ZSCAN26: variants seen among roughly 807,000 people sequenced by gnomAD.
ZSCAN26 encodes the protein zinc finger and SCAN domain-containing protein 26.
Under a neutral mutation model 23.0 loss-of-function variants are expected in ZSCAN26, and 26 were observed. The ratio of observed to expected loss-of-function variants is 1.13; its 90% CI spans 0.83 to 1.57. The LOEUF (loss-of-function observed/expected upper bound fraction) is 1.57. ZSCAN26 is among the 40% of genes most tolerant of loss of function. The pLI is 0.00. For missense variants in ZSCAN26, 528 were observed against 568.5 expected (o/e 0.93, Z 0.72); for synonymous variants, 180 against 202.5 (o/e 0.89, Z 0.94).
intron 2 of ZSCAN26, 49 bp downstream of exon 2, chr6:28,272,388 T>C (rs1203945451): frequency 2.3e-5 from 33 of 1,417,152 alleles, no homozygotes; most frequent in Non-Finnish European, 3.0e-5. Context: ...TTGAGATCTC[T>C]GGCCAGACAG....
chr6:28,276,181 A>G lies in ZSCAN26; in HGVS notation c.539-14A>G. 2 of 1,587,332 alleles carry G rather than the reference A, an allele frequency of 1.3e-6. No individual in the cohort carries two copies. The highest frequency in any genetic ancestry group is 1.7e-6 in the Non-Finnish European group (2 of 1,167,866). ...AAAAGACAAGTAATTGGTGGTATAT[A>G]TTTAATATTGCAGGTGAGGAGACAA... On this transcript the variant is annotated splice_polypyrimidine_tract_variant and intron_variant, in intron 3 of 3. Transcript: ENST00000421553.
In ZSCAN26 at chr6:28,272,748, C is replaced by T. The variant is rs187327081; in HGVS notation, c.499C>T (p.Arg167Trp). 5,743 of 1,613,406 alleles carry T rather than the reference C, an allele frequency of 3.6e-3. 80 individuals carry two copies. Among genetic ancestry groups the T allele is most frequent in the South Asian group, 0.031 (2,855 of 90,856 alleles). ...GAAAGGAGTACAGGAACAGCAGGTTCGGCATGAGTGTGAAGTTACAAAGCC... is the reference window on the plus strand; with the variant it reads ...GAAAGGAGTACAGGAACAGCAGGTTTGGCATGAGTGTGAAGTTACAAAGCC... Reference protein sequence around the residue: ...PLKGVQEQQVRHECEVTKPEK... With the variant: ...PLKGVQEQQVWHECEVTKPEK... Residue 167 changes from arginine (R) to tryptophan (W), a missense_variant, in exon 3 of 4, where the codon CGG becomes TGG. Arg to Trp is a moderately radical substitution (Grantham distance 101, BLOSUM62 -3). Coordinates refer to ENST00000421553, the MANE Select transcript of ZSCAN26 (RefSeq NM_001023560.4).
intron 3 of ZSCAN26, among the ~76,000 whole-genome samples, chr6:28,275,625 A>G (rs1253551351): frequency 6.6e-6 from 1 of 152,232 alleles, no homozygotes; most frequent in African/African-American, 2.4e-5. Context: ...CAAGGAGATT[A>G]GGAAAGGCGA....
chr6:28,275,966 AT>A (rs1486048484), intron 3 of ZSCAN26, among the ~76,000 whole-genome samples: 1 of 152,152 alleles, frequency 6.6e-6, no homozygotes, highest in Non-Finnish European at 1.5e-5. Flanking sequence ...AATTTAAACT[AT>A]TTAAAATAAG....
At position 28,277,349 on chromosome 6, in the gene ZSCAN26, A is replaced by G. The variant is rs1362607211; in HGVS notation, c.*253A>G. On this transcript the variant is annotated 3_prime_UTR_variant, in exon 4 of 4. Transcript: ENST00000421553. ...TGCAGGACATCTCAGAGCATGTAAC[A>G]TAACTGCATGATTATATACTCTAAG... 4 of 494,434 alleles carry G rather than the reference A, an allele frequency of 8.1e-6. No individual in the cohort carries two copies. The highest frequency in any genetic ancestry group is 1.9e-5 in the African/African-American group (1 of 52,060). The allele number at this position is 494,434 out of a possible 1,614,324, so 30.6% of individuals were successfully genotyped here.
chr6:28,274,235 T>A (rs1161710657), intron 3 of ZSCAN26, among the ~76,000 whole-genome samples: 1 of 152,150 alleles, frequency 6.6e-6, no homozygotes, highest in East Asian at 1.9e-4. Context: ...CCTCAATAAA[T>A]GTCTGTTTGA....
chr6:28,272,444 T>C, intron 2 of ZSCAN26, 105 bp downstream of exon 2: 1 of 1,346,620 alleles, frequency 7.4e-7, no homozygotes, highest in Non-Finnish European at 9.9e-7. Flanking sequence ...AAGCTTTGAT[T>C]CAGTTTTTTT....
Position 28,276,792 on chromosome 6 carries a change from C to T in ZSCAN26, c.1136C>T (p.Ala379Val). The T allele has an allele frequency of 6.2e-7, 1 of 1,613,930 alleles. No homozygotes were observed. The highest frequency in any genetic ancestry group is 8.5e-7 in the Non-Finnish European group (1 of 1,179,872). Reference protein sequence around the residue: ...CKECGKTFSQALLLTHHQRIH... With the variant: ...CKECGKTFSQVLLLTHHQRIH... ...GAGTGTGGAAAAACCTTTAGTCAGG[C>T]CTTACTCCTCACCCACCATCAGAGA... The change falls in exon 4 of 4, where the codon GCC becomes GTC. Residue 379 changes from alanine to valine, a missense_variant. By Grantham distance (64) the Ala-to-Val change is moderately conservative. Coordinates refer to ENST00000421553, the MANE Select transcript of ZSCAN26 (RefSeq NM_001023560.4).
intron 3 of ZSCAN26, among the ~76,000 whole-genome samples, 165 bp from the exon 4 acceptor site, chr6:28,276,030 A>G (rs1248876655): frequency 6.6e-6 from 1 of 152,188 alleles, no homozygotes; most frequent in African/African-American, 2.4e-5. Context: ...ACAGTTAACA[A>G]TGTCTTGTGT....
At chr6:28,269,282 G>T (rs934858022) in intron 1 of ZSCAN26, among the ~76,000 whole-genome samples, 4 of 151,256 alleles carry the variant, frequency 2.6e-5, no homozygotes, top group Non-Finnish European at 5.9e-5. Context: ...TATGAATACA[G>T]GTATATATAA....
At chr6:28,276,137 AT>A in intron 3 of ZSCAN26, 57 bp from the exon 4 acceptor site, 1 of 1,480,712 alleles carries the variant, frequency 6.8e-7, no homozygotes, top group Non-Finnish European at 9.1e-7. Flanking sequence ...TTAGTTGCAG[AT>A]TCCTTTCCCC....
At chr6:28,268,645 A>G (rs938701898) in intron 1 of ZSCAN26, among the ~76,000 whole-genome samples, 1 of 152,218 alleles carries the variant, frequency 6.6e-6, no homozygotes, top group South Asian at 2.1e-4. Flanking sequence ...AATAGAATCA[A>G]TAGAACTTGA....
intron 3 of ZSCAN26, among the ~76,000 whole-genome samples, chr6:28,275,950 T>C (rs1164205103): frequency 1.3e-5 from 2 of 152,184 alleles, no homozygotes; most frequent in Admixed American, 1.3e-4. Flanking sequence ...TGGTATCCCA[T>C]GATAAAATTT....
rs1165083033 is a variant in ZSCAN26, at chr6:28,273,311, GGTGGGTAGGTATAC to G, written c.538+526_538+539del. 7.9e-5 allele frequency among the ~76,000 whole-genome samples: 12 copies of G among 152,310 alleles called. No individual in the cohort carries two copies. The South Asian group carries it at 1.2e-3, about 16-fold the overall frequency. ...TAAACCCAACACTTTGGGGGGCCAA[GGTGGGTAGGTATAC>G]GAGGTCAGGAGTTCAAGACCAGCCT... On this transcript the variant is annotated intron_variant, in intron 3 of 3. Coordinates refer to ENST00000421553, the MANE Select transcript of ZSCAN26 (RefSeq NM_001023560.4).
At chr6:28,274,105 A>G (rs1761837602) in intron 3 of ZSCAN26, among the ~76,000 whole-genome samples, 1 of 150,754 alleles carries the variant, frequency 6.6e-6, no homozygotes. Flanking sequence ...TTTCTGTCAT[A>G]GAACTAATTA....
In ZSCAN26 at chr6:28,273,789, C is replaced by G. The variant is rs113364767; in HGVS notation, c.538+1002C>G. Among the ~76,000 whole-genome samples, 1,142 of 151,644 alleles carry G rather than the reference C, an allele frequency of 7.5e-3. 13 individuals are homozygous for G. Among genetic ancestry groups the G allele is most frequent in the African/African-American group, 0.027 (1,108 of 41,284 alleles). On this transcript the variant is annotated intron_variant, in intron 3 of 3. Transcript: ENST00000421553. ...CTGGAGTACAATGGTGCAGTCATAGCTCACTACAGCCTTGACCTTCCAGGC... is the reference window on the plus strand; with the variant it reads ...CTGGAGTACAATGGTGCAGTCATAGGTCACTACAGCCTTGACCTTCCAGGC...
chr6:28,272,481 T>A lies in ZSCAN26; in HGVS notation c.420+142T>A, dbSNP rs1053942249. ...CAGTCTAGCTGTTAATTTCCTTAGG[T>A]CTTACCTCAACCTTACCTGGCCCTT... On this transcript the variant is annotated intron_variant, in intron 2 of 3. Transcript: ENST00000421553. 8 of 1,156,444 alleles carry A rather than the reference T, an allele frequency of 6.9e-6. No individual in the cohort carries two copies. In the Admixed American group the frequency reaches 2.3e-4, roughly 33 times the overall value. 71.6% of individuals were successfully genotyped at this position (1,156,444 alleles called of 1,614,324 possible).
In ZSCAN26 at chr6:28,276,419, A is replaced by G; in HGVS notation, c.763A>G (p.Thr255Ala). The change falls in exon 4 of 4, where the codon ACG (threonine) becomes GCG (alanine). Residue 255 changes from threonine to alanine, a missense_variant. By Grantham distance (58) the Thr-to-Ala change is moderately conservative. Coordinates refer to ENST00000421553, the MANE Select transcript of ZSCAN26 (RefSeq NM_001023560.4). ...CCTGATTGAACATGCGAGTACACAC[A>G]CGGGAAAGAAACTCTGCGAGTCTGA... ...LDLIEHASTH[T>A]GKKLCESDVC... 1 of 1,613,998 alleles carries G rather than the reference A, an allele frequency of 6.2e-7. No homozygotes were observed. The highest frequency in any genetic ancestry group is 8.5e-7 in the Non-Finnish European group (1 of 1,179,868).
rs1036420046 is a variant in ZSCAN26, at chr6:28,268,120, C to T, written c.-67+907C>T. Among the ~76,000 whole-genome samples the T allele has an allele frequency of 5.3e-5, 8 of 152,184 alleles. No homozygotes were observed. The South Asian group carries it at 1.2e-3, about 24-fold the overall frequency. ...CCTCGTGTAAGTTCTTCAACTCTCC[C>T]CGTCTCAATTTCCTTCTCTGCACGA... On this transcript the variant is annotated intron_variant, in intron 1 of 3. Coordinates refer to ENST00000421553, the MANE Select transcript of ZSCAN26 (RefSeq NM_001023560.4).
Sources: gnomAD v4.1 joint callset for allele counts (sites outside exome capture counted in the v4.1 genomes callset) on GRCh38, gnomAD v4.1.1 for gene constraint, MANE v1.5 for transcripts, NCBI Gene and HGNC (gene_info 2026-07-23, HGNC 2026-07-21) for gene names.